BABAM2: variants seen among roughly 807,000 people sequenced by gnomAD.
BABAM2 encodes BRISC and BRCA1 A complex member 2.
Under a neutral mutation model 54.7 loss-of-function variants are expected in BABAM2, and 31 were observed. That is an observed-to-expected ratio of 0.57 (90% confidence interval 0.43 to 0.77). BABAM2 has a LOEUF of 0.77. Among genes scored for constraint, BABAM2 ranks in the 30% least tolerant of loss-of-function variants. BABAM2 has a pLI of 0.00. For synonymous variants in BABAM2, 167 were observed against 162.9 expected, an observed-to-expected ratio of 1.03 and a Z score of -0.19; for missense variants, 364 against 455.8, an observed-to-expected ratio of 0.80 and a Z score of 1.83.
chr2:27,950,330 G>A (rs1227266890), intron 3 of BABAM2, among the ~76,000 whole-genome samples: 1 of 152,158 alleles, frequency 6.6e-6, no homozygotes, highest in Non-Finnish European at 1.5e-5. Context: ...AGTTATTAAT[G>A]TAGAAATGAC....
intron 7 of BABAM2, among the ~76,000 whole-genome samples, chr2:28,205,427 C>T (rs1232153245): frequency 6.4e-5 from 9 of 139,778 alleles, no homozygotes; most frequent in African/African-American, 9.8e-5. Context: ...CACTTGAACC[C>T]GAGAGGTAGA....
At chr2:28,273,595 TGTA>T (rs1685623567) in intron 10 of BABAM2, among the ~76,000 whole-genome samples, 1 of 152,150 alleles carries the variant, frequency 6.6e-6, no homozygotes, top group Non-Finnish European at 1.5e-5. Context: ...GGCATGGACT[TGTA>T]GTCCCAGCTT....
At chr2:27,948,522 G>A (rs1397851300) in intron 3 of BABAM2, among the ~76,000 whole-genome samples, 1 of 152,236 alleles carries the variant, frequency 6.6e-6, no homozygotes, top group Non-Finnish European at 1.5e-5. Flanking sequence ...TGTAATCACA[G>A]TACTTTGGGA....
intron 10 of BABAM2, among the ~76,000 whole-genome samples, chr2:28,261,157 G>A (rs189280643): frequency 6.6e-6 from 1 of 151,654 alleles, no homozygotes. Flanking sequence ...GGTCAGACTG[G>A]TCTCAAACTC....
chr2:28,313,782 A>G (rs977995805), intron 11 of BABAM2, among the ~76,000 whole-genome samples: 3 of 152,228 alleles, frequency 2.0e-5, no homozygotes, highest in African/African-American at 7.2e-5. Context: ...ACTGAAGACT[A>G]ACACACACAC....
intron 7 of BABAM2, among the ~76,000 whole-genome samples, chr2:28,160,740 T>G (rs1244480333): frequency 6.6e-6 from 1 of 151,428 alleles, no homozygotes; most frequent in Non-Finnish European, 1.5e-5. Context: ...AAATTGTTTT[T>G]TTTTTTTTTT....
rs1472799791 is a variant in BABAM2 at position 28,304,614 on chromosome 2, T to C, written c.1088+6123T>C. On this transcript the variant is annotated intron_variant, in intron 11 of 11. Transcript: ENST00000379624. The surrounding 1 kb of genome is among the most constrained non-coding windows in gnomAD (Gnocchi z 4.0). Reference sequence around the variant, plus strand: ...TTTTTGGAGATGGAGTCTCACTCTGTCACCCAGGCTGGAATGCAGTGGCAT... The same window carrying C: ...TTTTTGGAGATGGAGTCTCACTCTGCCACCCAGGCTGGAATGCAGTGGCAT... Among the ~76,000 whole-genome samples, 1 of 152,072 alleles carries C rather than the reference T, an allele frequency of 6.6e-6. No individual in the cohort carries two copies. Among genetic ancestry groups the C allele is most frequent in the Non-Finnish European group, 1.5e-5 (1 of 68,020 alleles).
chr2:28,250,664 A>T (rs1269988683), intron 10 of BABAM2, among the ~76,000 whole-genome samples: 1 of 148,178 alleles, frequency 6.7e-6, no homozygotes, highest in Non-Finnish European at 1.5e-5. Context: ...CAGTGGCACG[A>T]TCTCAGCTCA....
At chr2:28,127,761 T>C (rs1490154417) in intron 6 of BABAM2, among the ~76,000 whole-genome samples, 1 of 151,586 alleles carries the variant, frequency 6.6e-6, no homozygotes, top group Non-Finnish European at 1.5e-5. Context: ...ACAAAAGACA[T>C]TGTATTTGAG....
At chr2:28,027,813 T>C (rs1241809859) in intron 5 of BABAM2, among the ~76,000 whole-genome samples, 1 of 152,236 alleles carries the variant, frequency 6.6e-6, no homozygotes, top group Non-Finnish European at 1.5e-5. Flanking sequence ...CATTGTTTTT[T>C]ACATTGTTTA....
intron 2 of BABAM2, among the ~76,000 whole-genome samples, chr2:27,907,506 T>A (rs1225148935): frequency 6.6e-6 from 1 of 152,150 alleles, no homozygotes; most frequent in Non-Finnish European, 1.5e-5. Context: ...CTTGGCACAT[T>A]ATGTTTTATA....
chr2:28,002,973 G>A (rs887516745), intron 4 of BABAM2, among the ~76,000 whole-genome samples: 9 of 152,116 alleles, frequency 5.9e-5, no homozygotes, highest in Non-Finnish European at 1.2e-4. Flanking sequence ...ATATAATAAA[G>A]GGAGCCAGTA....
intron 4 of BABAM2, among the ~76,000 whole-genome samples, chr2:27,990,918 G>A (rs1354151406): frequency 1.3e-5 from 2 of 152,058 alleles, no homozygotes; most frequent in Non-Finnish European, 2.9e-5. Flanking sequence ...ATAGGAATAT[G>A]TGACGTGCTG....
At chr2:28,131,653 C>T (rs1305710791) in intron 7 of BABAM2, among the ~76,000 whole-genome samples, 1 of 152,266 alleles carries the variant, frequency 6.6e-6, no homozygotes, top group Non-Finnish European at 1.5e-5. Context: ...CCTGGCACTA[C>T]AGTAAACACT....
At chr2:28,174,968 A>T (rs1674760485) in intron 7 of BABAM2, among the ~76,000 whole-genome samples, 1 of 152,170 alleles carries the variant, frequency 6.6e-6, no homozygotes, top group Admixed American at 6.5e-5. Flanking sequence ...AGTGCAGTGC[A>T]CCAGGGAGAT....
At chr2:27,922,775 A>T (rs1373449987) in intron 2 of BABAM2, among the ~76,000 whole-genome samples, 2 of 152,216 alleles carry the variant, frequency 1.3e-5, no homozygotes, top group Non-Finnish European at 2.9e-5. Context: ...AATATAGTTG[A>T]GAGACAAATT....
intron 7 of BABAM2, 147 bp from the exon 8 acceptor site, chr2:28,237,055 A>C: frequency 1.6e-6 from 1 of 638,270 alleles, no homozygotes; most frequent in Non-Finnish European, 2.8e-6. Flanking sequence ...AAATGTAATC[A>C]TAAAGTGAAG....
At chr2:28,215,345 T>C (rs765752438) in intron 7 of BABAM2, among the ~76,000 whole-genome samples, 25 of 152,168 alleles carry the variant, frequency 1.6e-4, no homozygotes, top group Non-Finnish European at 2.8e-4. Flanking sequence ...CTAAGAACCA[T>C]CTAATGTTGT....
At chr2:28,115,591 A>G (rs150193697) in intron 6 of BABAM2, among the ~76,000 whole-genome samples, 2,078 of 152,056 alleles carry the variant, frequency 0.014, 42 homozygotes, top group African/African-American at 0.047. Context: ...GTGCCACTGC[A>G]CTCCAGCCTG....
Sources: gnomAD v4.1 joint callset for allele counts (sites outside exome capture counted in the v4.1 genomes callset) on GRCh38, gnomAD v4.1.1 for gene constraint, Gnocchi (gnomAD v3.1) non-coding constraint, MANE v1.5 for transcripts, NCBI Gene and HGNC (gene_info 2026-07-23, HGNC 2026-07-21) for gene names.